TTLL11: variants seen among roughly 807,000 people sequenced by gnomAD.
TTLL11 encodes the protein tubulin tyrosine ligase like 11, also known as tubulin polyglutamylase TTLL11.
TTLL11 carries 42 observed loss-of-function variants against 51.7 expected under a neutral mutation model. The observed-to-expected ratio is 0.81, with a 90% CI of 0.64 to 1.05. The LOEUF is 1.05. TTLL11 is among the 50% of genes least tolerant of loss of function. The pLI, the probability that TTLL11 is intolerant of heterozygous loss-of-function variation, is 0.00. For missense variants in TTLL11, 799 were observed against 940.4 expected (o/e 0.85, Z 1.97); for synonymous variants, 381 against 383.5 (o/e 0.99, Z 0.08).
chr9:121,961,228 T>C (rs1002712543), intron 6 of TTLL11, among the ~76,000 whole-genome samples: 1 of 152,176 alleles, frequency 6.6e-6, no homozygotes, highest in Admixed American at 6.5e-5. Context: ...CTCCACACTT[T>C]TTTCCTCAAG....
At chr9:122,009,984 CTCTTTG>C (rs1843752404) in intron 3 of TTLL11, among the ~76,000 whole-genome samples, 1 of 151,980 alleles carries the variant, frequency 6.6e-6, no homozygotes, top group Admixed American at 6.6e-5. Flanking sequence ...TTCCACCTTC[CTCTTTG>C]TCTTTGTATC....
intron 2 of TTLL11, among the ~76,000 whole-genome samples, chr9:122,034,519 G>A (rs960292339): frequency 2.0e-5 from 3 of 152,212 alleles, no homozygotes; most frequent in Admixed American, 2.0e-4. Flanking sequence ...TCTCCAGGAG[G>A]GACGGGTGTA....
At chr9:121,981,426 C>A (rs138578011) in intron 4 of TTLL11, among the ~76,000 whole-genome samples, 20 of 152,268 alleles carry the variant, frequency 1.3e-4, no homozygotes, top group Middle Eastern at 3.4e-3. Flanking sequence ...GTTTCCATTT[C>A]TCTCTTCACT....
At chr9:121,971,957 G>A (rs1052033393) in intron 6 of TTLL11, among the ~76,000 whole-genome samples, 1 of 151,866 alleles carries the variant, frequency 6.6e-6, no homozygotes, top group Non-Finnish European at 1.5e-5. Flanking sequence ...ACAGGGAGGG[G>A]AACATCACAC....
intron 6 of TTLL11, among the ~76,000 whole-genome samples, chr9:121,956,682 C>T (rs978827424): frequency 1.3e-4 from 19 of 150,652 alleles, no homozygotes; most frequent in African/African-American, 4.0e-4. Flanking sequence ...GACACAAGGC[C>T]GGGGGTGGCA....
At chr9:122,049,119 G>T (rs1277460248) in intron 1 of TTLL11, among the ~76,000 whole-genome samples, 1 of 152,030 alleles carries the variant, frequency 6.6e-6, no homozygotes, top group Non-Finnish European at 1.5e-5. Flanking sequence ...AGCAATGCCT[G>T]CAGTAATGTT....
At chr9:121,844,184 A>G (rs1474264301) in intron 8 of TTLL11, among the ~76,000 whole-genome samples, 1 of 152,260 alleles carries the variant, frequency 6.6e-6, no homozygotes, top group Non-Finnish European at 1.5e-5. Context: ...CCTTATCACC[A>G]CATCAGCAGG....
intron 7 of TTLL11, among the ~76,000 whole-genome samples, chr9:121,867,567 A>G (rs1295868421): frequency 6.6e-6 from 1 of 152,204 alleles, no homozygotes; most frequent in East Asian, 1.9e-4. Context: ...TCTACCAGCA[A>G]TTTAGCCTAG....
intron 8 of TTLL11, among the ~76,000 whole-genome samples, chr9:121,850,087 C>A (rs1228153915): frequency 6.6e-6 from 1 of 150,928 alleles, no homozygotes; most frequent in African/African-American, 2.5e-5. Flanking sequence ...TTAAAAAAAA[C>A]CTACCAATCC....
chr9:122,012,672 A>ACACACG (rs1843841305), intron 3 of TTLL11, among the ~76,000 whole-genome samples: 1 of 147,124 alleles, frequency 6.8e-6, no homozygotes, highest in South Asian at 2.1e-4. Context: ...ATACACACAC[A>ACACACG]CACACGCACA....
intron 6 of TTLL11, among the ~76,000 whole-genome samples, chr9:121,891,452 G>A (rs144119064): frequency 2.0e-4 from 31 of 152,292 alleles, no homozygotes; most frequent in African/African-American, 6.7e-4. Flanking sequence ...AACGATTTAG[G>A]AAGATCTGCT....
At chr9:121,864,900 C>G (rs150794293) in intron 7 of TTLL11, among the ~76,000 whole-genome samples, 1 of 152,118 alleles carries the variant, frequency 6.6e-6, no homozygotes, top group African/African-American at 2.4e-5. Context: ...TCCATAAAAT[C>G]CTATTTATAG....
chr9:122,038,285 T>G (rs551528479), intron 2 of TTLL11, among the ~76,000 whole-genome samples: 1 of 152,252 alleles, frequency 6.6e-6, no homozygotes, highest in Non-Finnish European at 1.5e-5. Flanking sequence ...ATACCCAGCT[T>G]AATCCAGTGC....
At chr9:121,947,699 CA>C (rs1421173761) in intron 6 of TTLL11, among the ~76,000 whole-genome samples, 1 of 152,188 alleles carries the variant, frequency 6.6e-6, no homozygotes, top group African/African-American at 2.4e-5. Flanking sequence ...ACCTCTGCCT[CA>C]GATACCTTGA....
chr9:122,008,566 C>T (rs1395945197), intron 3 of TTLL11, among the ~76,000 whole-genome samples: 1 of 152,188 alleles, frequency 6.6e-6, no homozygotes, highest in East Asian at 1.9e-4. Flanking sequence ...AAGACATGAT[C>T]TTGGCGATGA....
chr9:122,009,306 AT>A (rs1004661390), intron 3 of TTLL11, among the ~76,000 whole-genome samples: 33 of 152,280 alleles, frequency 2.2e-4, no homozygotes, highest in African/African-American at 7.5e-4. Flanking sequence ...AAATACATAC[AT>A]TTTTTATTTG....
chr9:121,876,449 C>T (rs2131407735), intron 6 of TTLL11, among the ~76,000 whole-genome samples: 1 of 152,312 alleles, frequency 6.6e-6, no homozygotes, highest in East Asian at 1.9e-4. Flanking sequence ...GTCCCTGTCA[C>T]CCAGAAGCAT....
intron 6 of TTLL11, among the ~76,000 whole-genome samples, chr9:121,931,206 C>T (rs950915796): frequency 3.3e-5 from 5 of 152,206 alleles, no homozygotes; most frequent in African/African-American, 9.7e-5. Flanking sequence ...AACACCGAAG[C>T]GCTGGGTAAT....
intron 6 of TTLL11, among the ~76,000 whole-genome samples, chr9:121,968,660 G>A (rs111739426): frequency 0.15 from 23,007 of 151,904 alleles, 2,375 homozygotes; most frequent in African/African-American, 0.3. Context: ...GGGTTCAAGC[G>A]ATTCTTCTGC....
Sources: gnomAD v4.1 joint callset for allele counts (sites outside exome capture counted in the v4.1 genomes callset) on GRCh38, gnomAD v4.1.1 for gene constraint, MANE v1.5 for transcripts, NCBI Gene and HGNC (gene_info 2026-07-23, HGNC 2026-07-21) for gene names.